CFAP57: variants seen among roughly 807,000 people sequenced by gnomAD.
The protein encoded by CFAP57 is cilia- and flagella-associated protein 57.
In CFAP57, 116 loss-of-function variants were observed where a neutral mutation model predicts 146.8. The ratio of observed to expected loss-of-function variants is 0.79; its 90% CI spans 0.68 to 0.92. The LOEUF (loss-of-function observed/expected upper bound fraction) is 0.92. Among genes scored for constraint, CFAP57 ranks in the 40% least tolerant of loss-of-function variants. The probability of loss-of-function intolerance (pLI) is 0.00; values close to 1 mark genes in which losing one functional copy is unlikely to be tolerated. For missense variants in CFAP57, 1,377 were observed against 1,527.2 expected, an observed-to-expected ratio of 0.90 and a Z score of 1.64; for synonymous variants, 518 against 552.8, an observed-to-expected ratio of 0.94 and a Z score of 0.88.
rs571341698 is a variant in CFAP57, at chr1:43,172,669, G to A, written c.-19-66G>A. 9 of 1,549,134 alleles carry A rather than the reference G, an allele frequency of 5.8e-6. No individual in the cohort carries two copies. The African/African-American group carries it at 1.1e-4, about 19-fold the overall frequency. The stretch of plus-strand genomic sequence containing the variant: ...GCAAAGGGCGGGGAGGGCGAGTCCG[G>A]GCCGGGGGCGGGGTCGGAGCGGGGC... On this transcript the variant is annotated intron_variant, in intron 1 of 22. Transcript: ENST00000372492.
At position 43,227,015 on chromosome 1, in the gene CFAP57, T is replaced by C. The variant is rs540417591; in HGVS notation, c.2898T>C (p.Asn966=). 3.2e-4 allele frequency: 492 copies of C among 1,524,268 alleles called. 4 individuals are homozygous for C. The South Asian group carries it at 4.8e-3, about 15-fold the overall frequency. 94.4% of individuals were successfully genotyped at this position (1,524,268 alleles called of 1,614,324 possible). A position where few individuals can be genotyped will look rare whatever the true frequency, so the allele number is the denominator to read the frequency against. ...EKRIYDLKKK[N]QELGKFKFVL... ...GAATTTATGATCTGAAAAAGAAAAATCAAGAACTAGGGAAATTCAAGTTTG... is the reference window on the plus strand; with the variant it reads ...GAATTTATGATCTGAAAAAGAAAAACCAAGAACTAGGGAAATTCAAGTTTG... Residue 966 remains asparagine, a synonymous_variant, in exon 18 of 23, where the codon AAT becomes AAC. Transcript: ENST00000372492.
Position 43,209,632 on chromosome 1 carries a change from T to G in CFAP57, c.1756-111T>G, listed in dbSNP as rs1644508047. 5 of 1,151,424 alleles carry G rather than the reference T, an allele frequency of 4.3e-6. No homozygotes were observed. In the Admixed American group the frequency reaches 6.3e-5, roughly 14 times the overall value. The allele number at this position is 1,151,424 out of a possible 1,614,324, so 71.3% of individuals were successfully genotyped here. Reference sequence around the variant, plus strand: ...AAAAGGGGATAGAAAAAGCATTTTTTAAAGACAAGCCCCTAGGGATCTGTT... The same window carrying G: ...AAAAGGGGATAGAAAAAGCATTTTTGAAAGACAAGCCCCTAGGGATCTGTT... On this transcript the variant is annotated intron_variant, in intron 10 of 22. Transcript: ENST00000372492.
chr1:43,181,445 C>T (rs1645403473), intron 2 of CFAP57, 89 bp from the exon 3 acceptor site: 1 of 1,490,230 alleles, frequency 6.7e-7, no homozygotes, highest in Admixed American at 1.8e-5. Context: ...CCACTGTCCA[C>T]TCCAGTGCCC....
chr1:43,225,748 G>A (rs1429179687), intron 17 of CFAP57, among the ~76,000 whole-genome samples: 1 of 152,174 alleles, frequency 6.6e-6, no homozygotes, highest in Non-Finnish European at 1.5e-5. Flanking sequence ...TTCTTTTAAG[G>A]GCAAGGGACT....
chr1:43,250,745 T>C (rs1646304367), intron 22 of CFAP57, among the ~76,000 whole-genome samples: 1 of 152,124 alleles, frequency 6.6e-6, no homozygotes, highest in Non-Finnish European at 1.5e-5. Flanking sequence ...ATTTCCCAAA[T>C]TGAGAGGAGC....
rs1209343505 is a variant in CFAP57, at chr1:43,254,166, T to A, written c.3728T>A (p.Val1243Glu). Residue 1243 changes from valine (V) to glutamate (E), a missense_variant, in exon 23 of 23, where the codon GTA (valine) becomes GAA (glutamate). Coordinates refer to ENST00000372492, the MANE Select transcript of CFAP57 (RefSeq NM_001378189.1). ...CTTCCTTCCCTCTCCAACTCCGAGG[T>A]AGACTTAGAGGTGAAGACCAACTGA... ...VRLPSLSNSEVDLEVKTN is the reference protein window; with the variant it reads ...VRLPSLSNSEEDLEVKTN The A allele has an allele frequency of 7.7e-6, 12 of 1,550,040 alleles. No individual in the cohort carries two copies. The South Asian group carries it at 1.3e-4, about 17-fold the overall frequency.
At chr1:43,182,163 G>C (rs1645439155) in intron 3 of CFAP57, among the ~76,000 whole-genome samples, 1 of 152,182 alleles carries the variant, frequency 6.6e-6, no homozygotes, top group South Asian at 2.1e-4. Context: ...CCCAGAAGTG[G>C]ATTAATAAAA....
At position 43,226,241 on chromosome 1, in the gene CFAP57, G is replaced by A. The variant is rs1645238482; in HGVS notation, c.2866-742G>A. 2.6e-5 allele frequency among the ~76,000 whole-genome samples: 4 copies of A among 152,300 alleles called. No individual in the cohort carries two copies. In the South Asian group the frequency reaches 6.2e-4, roughly 24 times the overall value. ...TACAGGTGCTACAGATCTGGAATCT[G>A]GACAGGGTACAAAAGGATGGCTTAT... is the stretch of plus-strand genomic sequence containing the variant. On this transcript the variant is annotated intron_variant, in intron 17 of 22. Transcript: ENST00000372492.
rs74857529 is a variant in CFAP57, at chr1:43,185,353, C to G, written c.966C>G (p.Ile322Met). Reference sequence around the variant, plus strand: ...ATTTTTACCGTGAGAGCAGAGAAATCAGGGTAAGGCGGGAAGAAAAAAAAG... The same window carrying G: ...ATTTTTACCGTGAGAGCAGAGAAATGAGGGTAAGGCGGGAAGAAAAAAAAG... ...EKDFYRESRE[I>M]RIPVDPQSND... is the part of the protein sequence containing the mutation. The change falls in exon 5 of 23, where the codon ATC (isoleucine) becomes ATG (methionine). Residue 322 changes from isoleucine (I) to methionine (M), a missense_variant. Physicochemically the swap from Ile to Met is conservative, Grantham distance 10. Coordinates refer to ENST00000372492, the MANE Select transcript of CFAP57 (RefSeq NM_001378189.1). 7,938 of 1,613,740 alleles carry G rather than the reference C, an allele frequency of 4.9e-3. 23 individuals are homozygous for G. The highest frequency in any genetic ancestry group is 6.1e-3 in the Non-Finnish European group (7,149 of 1,179,906).
chr1:43,185,506 TGA>T, intron 5 of CFAP57, 150 bp downstream of exon 5: 1 of 765,248 alleles, frequency 1.3e-6, no homozygotes, highest in Non-Finnish European at 2.2e-6. Context: ...ATGTCTGTCC[TGA>T]GAGAGATTTT....
chr1:43,222,340 G>T, intron 15 of CFAP57, 45 bp downstream of exon 15: 1 of 1,387,488 alleles, frequency 7.2e-7, no homozygotes, highest in South Asian at 1.9e-5. Context: ...ACAGAGAAAA[G>T]CCACCCATTC....
chr1:43,183,848 G>A lies in CFAP57; in HGVS notation c.732G>A (p.Lys244=). 6.2e-7 allele frequency: 1 copy of A among 1,614,136 alleles called. No homozygotes were observed. Among genetic ancestry groups the A allele is most frequent in the South Asian group, 1.1e-5 (1 of 91,062 alleles). ...TCAAGGAACCTACCAATGGCTCAAA[G>A]AGCCTGGATGTCATTCAGGAATCAG... ...IMVKEPTNGS[K]SLDVIQESES... is the part of the protein sequence containing the mutation. The change falls in exon 4 of 23, where the codon AAG becomes AAA. Residue 244 remains lysine, a synonymous_variant. Coordinates refer to ENST00000372492, the MANE Select transcript of CFAP57 (RefSeq NM_001378189.1).
intron 10 of CFAP57, among the ~76,000 whole-genome samples, chr1:43,208,324 T>C (rs956111657): frequency 6.6e-6 from 1 of 152,172 alleles, no homozygotes; most frequent in Non-Finnish European, 1.5e-5. Context: ...GATTATAAAT[T>C]ATGCTGCTAT....
At chr1:43,228,339 G>A (rs1328457467) in intron 18 of CFAP57, among the ~76,000 whole-genome samples, 14 of 152,222 alleles carry the variant, frequency 9.2e-5, no homozygotes, top group Admixed American at 9.2e-4. Flanking sequence ...TGGCTTCTTT[G>A]CATCTTTCAG....
Position 43,253,985 on chromosome 1 carries a change from A to G in CFAP57, c.3547A>G (p.Arg1183Gly), listed in dbSNP as rs1285857725. 1 of 1,550,598 alleles carries G rather than the reference A, an allele frequency of 6.4e-7. No homozygotes were observed. Among genetic ancestry groups the G allele is most frequent in the East Asian group, 2.4e-5 (1 of 40,916 alleles). Residue 1183 changes from arginine (R) to glycine (G), a missense_variant, in exon 23 of 23, where the codon AGG (arginine) becomes GGG (glycine). Physicochemically the swap from Arg to Gly is moderately radical, Grantham distance 125 (BLOSUM62 -2). Transcript: ENST00000372492. ...CCTGTTGTCTCTTACAGAACCCAGC[A>G]GGGACATGCTCAGCACAGCTCCCAC... ...PQEVSETEPSRDMLSTAPTAR... is the reference protein window; with the variant it reads ...PQEVSETEPSGDMLSTAPTAR...
At chr1:43,205,025 T>C (rs1480023552) in intron 9 of CFAP57, among the ~76,000 whole-genome samples, 6 of 152,176 alleles carry the variant, frequency 3.9e-5, no homozygotes, top group Non-Finnish European at 5.9e-5. Flanking sequence ...AACGGGTCTT[T>C]GTGTAGCTTA....
chr1:43,190,777 TTA>T (rs1643471056), intron 6 of CFAP57, among the ~76,000 whole-genome samples: 1 of 152,132 alleles, frequency 6.6e-6, no homozygotes, highest in African/African-American at 2.4e-5. Context: ...ATATAGTATA[TTA>T]TACTAAGTGA....
chr1:43,189,245 T>G (rs1643348653), intron 6 of CFAP57, among the ~76,000 whole-genome samples: 1 of 152,244 alleles, frequency 6.6e-6, no homozygotes, highest in Non-Finnish European at 1.5e-5. Flanking sequence ...CAATTCCATA[T>G]GGATTTTACA....
chr1:43,236,750 A>T (rs185974512), intron 21 of CFAP57, among the ~76,000 whole-genome samples: 2 of 152,094 alleles, frequency 1.3e-5, no homozygotes, highest in African/African-American at 2.4e-5. Flanking sequence ...TCTACTAAAA[A>T]TACAAAAAAA....
Sources: gnomAD v4.1 joint callset for allele counts (sites outside exome capture counted in the v4.1 genomes callset) on GRCh38, gnomAD v4.1.1 for gene constraint, MANE v1.5 for transcripts, NCBI Gene and HGNC (gene_info 2026-07-23, HGNC 2026-07-21) for gene names.